REL: variants seen among roughly 807,000 people sequenced by gnomAD.
The protein encoded by REL is proto-oncogene c-Rel.
REL carries 15 observed loss-of-function variants against 45.9 expected under a neutral mutation model. That is an observed-to-expected ratio of 0.33 (90% CI 0.22 to 0.50). The LOEUF (loss-of-function observed/expected upper bound fraction) is 0.50. REL is among the 20% of genes least tolerant of loss of function. The probability of loss-of-function intolerance (pLI) is 0.98; values close to 1 mark genes in which losing one functional copy is unlikely to be tolerated. For synonymous variants in REL, 239 were observed against 242.1 expected (o/e 0.99, Z 0.12); for missense variants, 601 against 715.2 (o/e 0.84, Z 1.82).
chr2:60,929,675 G>C lies in REL; in HGVS notation c.*7140G>C, dbSNP rs1024933628. The C allele has an allele frequency of 1.7e-5, 2 of 117,188 alleles. No individual in the cohort carries two copies. Among genetic ancestry groups the C allele is most frequent in the East Asian group, 6.1e-4 (2 of 3,260 alleles). 7.3% of individuals were successfully genotyped at this position (117,188 alleles called of 1,614,324 possible). ...ATCACACTGGGGACTGTTGTGGGGT[G>C]GGGGGAGGGGGGAGGGATAGCATTG... On this transcript the variant is annotated 3_prime_UTR_variant, in exon 10 of 10. Transcript: ENST00000394479.
intron 4 of REL, among the ~76,000 whole-genome samples, chr2:60,901,323 A>C (rs1673492855): frequency 6.6e-6 from 1 of 151,248 alleles, no homozygotes; most frequent in African/African-American, 2.4e-5. Flanking sequence ...CATCACACCC[A>C]GCTAATTTTT....
chr2:60,898,137 T>C (rs749467412), intron 3 of REL, among the ~76,000 whole-genome samples: 30 of 152,346 alleles, frequency 2.0e-4, no homozygotes, highest in Admixed American at 5.2e-4. Flanking sequence ...AAACTGGGGC[T>C]GCTGGAATAA....
chr2:60,891,154 A>T lies in REL; in HGVS notation c.11-529A>T, dbSNP rs573919700. ...TAAGTCCTTTAATATTTGAATGGAGATATAAAAAACTTACATATGCTTCTG... is the reference window on the plus strand; with the variant it reads ...TAAGTCCTTTAATATTTGAATGGAGTTATAAAAAACTTACATATGCTTCTG... On this transcript the variant is annotated intron_variant, in intron 1 of 9. Transcript: ENST00000394479. Among the ~76,000 whole-genome samples the T allele has an allele frequency of 2.6e-5, 4 of 152,244 alleles. No individual in the cohort carries two copies. The South Asian group carries it at 8.3e-4, about 32-fold the overall frequency.
At chr2:60,898,623 G>A (rs1032217284) in intron 3 of REL, among the ~76,000 whole-genome samples, 4 of 152,198 alleles carry the variant, frequency 2.6e-5, no homozygotes, top group South Asian at 4.1e-4. Flanking sequence ...GACTTTTTCT[G>A]TAAAGTACTA....
intron 1 of REL, among the ~76,000 whole-genome samples, chr2:60,889,179 GTTCCC>G (rs923975535): frequency 6.6e-6 from 1 of 152,202 alleles, no homozygotes; most frequent in African/African-American, 2.4e-5. Context: ...TGGACACACT[GTTCCC>G]TTTTCCCTAG....
chr2:60,895,461 C>T (rs796424115), intron 3 of REL, among the ~76,000 whole-genome samples: 4 of 152,212 alleles, frequency 2.6e-5, no homozygotes, highest in East Asian at 1.9e-4. Context: ...GGATTACAGG[C>T]GTGAGCTGCT....
chr2:60,887,191 T>C (rs115022610), intron 1 of REL, among the ~76,000 whole-genome samples: 2,529 of 152,326 alleles, frequency 0.017, 31 homozygotes, highest in Middle Eastern at 0.065. Context: ...TGGTGCATTG[T>C]ACTGATGCAT....
At position 60,923,043 on chromosome 2, in the gene REL, CA is replaced by C. The variant is rs70959877; in HGVS notation, c.*521del. The C allele has an allele frequency of 6.8e-3, 573 of 84,834 alleles. No homozygotes were observed. The highest frequency in any genetic ancestry group is 0.028 in the Middle Eastern group (4 of 144). The allele number at this position is 84,834 out of a possible 1,614,324, so 5.3% of individuals were successfully genotyped here. A position where few individuals can be genotyped will look rare whatever the true frequency, so the allele number is the denominator to read the frequency against. ...TGGGTGACAGAGTGAGACTCTGTCT[CA>C]AAAAAAAAAAAACAAAAAAAACACA... On this transcript the variant is annotated 3_prime_UTR_variant, in exon 10 of 10. Transcript: ENST00000394479.
chr2:60,896,842 C>A (rs1242007172), intron 3 of REL, among the ~76,000 whole-genome samples: 1 of 152,132 alleles, frequency 6.6e-6, no homozygotes, highest in African/African-American at 2.4e-5. Flanking sequence ...TAATAATGCT[C>A]TTTATGGCTG....
intron 3 of REL, among the ~76,000 whole-genome samples, chr2:60,897,692 G>A (rs1454270300): frequency 6.6e-6 from 1 of 151,946 alleles, no homozygotes; most frequent in East Asian, 1.9e-4. Context: ...ATGGTAGTAA[G>A]TCTGATTGCC....
Position 60,924,692 on chromosome 2 carries a change from A to T in REL, c.*2157A>T, listed in dbSNP as rs976675001. 4.7e-6 allele frequency: 1 copy of T among 212,446 alleles called. No individual in the cohort carries two copies. Among genetic ancestry groups the T allele is most frequent in the Non-Finnish European group, 9.5e-6 (1 of 104,962 alleles). 13.2% of individuals were successfully genotyped at this position (212,446 alleles called of 1,614,324 possible). On this transcript the variant is annotated 3_prime_UTR_variant, in exon 10 of 10. Transcript: ENST00000394479. ...TCCATGTTTTGACATTGTCAAGCTC[A>T]TTGCAACTTCCAGATTGAGTAACAC...
Position 60,926,565 on chromosome 2 carries a change from C to T in REL, c.*4030C>T, listed in dbSNP as rs1246090934. On this transcript the variant is annotated 3_prime_UTR_variant, in exon 10 of 10. Transcript: ENST00000394479. ...TTTCCCATGAGTCTTGACCCCTCCC[C>T]TCAGTTGGTGCTATTTCCCCCTACC... The T allele has an allele frequency of 2.2e-5, 5 of 231,606 alleles. No homozygotes were observed. The highest frequency in any genetic ancestry group is 4.3e-5 in the Non-Finnish European group (5 of 116,990). 14.3% of individuals were successfully genotyped at this position (231,606 alleles called of 1,614,324 possible).
At chr2:60,882,476 A>G (rs1158059771) in intron 1 of REL, among the ~76,000 whole-genome samples, 1 of 152,056 alleles carries the variant, frequency 6.6e-6, no homozygotes, top group Non-Finnish European at 1.5e-5. Context: ...GGAGTTTGAG[A>G]CCAGCCTGGC....
intron 4 of REL, among the ~76,000 whole-genome samples, chr2:60,908,520 C>G (rs1673722967): frequency 6.6e-6 from 1 of 152,116 alleles, no homozygotes; most frequent in Non-Finnish European, 1.5e-5. Flanking sequence ...ATTAGGGACT[C>G]CAATATCAGA....
chr2:60,894,674 C>T (rs1673303588), intron 3 of REL, 129 bp downstream of exon 3: 4 of 643,074 alleles, frequency 6.2e-6, no homozygotes, highest in African/African-American at 1.9e-5. Context: ...CTGTATTTTA[C>T]ACTTACATTT....
intron 1 of REL, among the ~76,000 whole-genome samples, chr2:60,882,895 T>TG (rs1449087690): frequency 1.3e-5 from 2 of 151,980 alleles, no homozygotes; most frequent in African/African-American, 4.8e-5. Flanking sequence ...TCTCTCCCTT[T>TG]GGGGGGGAAT....
In REL at chr2:60,922,398, A is replaced by T. The variant is rs1360378685; in HGVS notation, c.1627A>T (p.Ile543Leu). 1 of 1,614,154 alleles carries T rather than the reference A, an allele frequency of 6.2e-7. No individual in the cohort carries two copies. The change falls in exon 10 of 10, where the codon ATA (isoleucine) becomes TTA (leucine). Residue 543 changes from isoleucine to leucine, a missense_variant. This residue lies in a region of REL where 334 missense variants were observed against 333.1 expected (regional missense o/e 1.00). Transcript: ENST00000394479. ...SDFSCADNSM[I>L]NESGPSNSTN... ...CTTCAGTTGTGCAGATAACAGCATG[A>T]TAAATGAGTCGGGACCATCAAACAG...
rs906639932 is a variant in REL at position 60,930,793 on chromosome 2, A to G, written c.*8258A>G. ...AAGATGTAGAATTTATTATCCTCTAATATTCTTATCAGTTGTTTCCACAAC... is the reference window on the plus strand; with the variant it reads ...AAGATGTAGAATTTATTATCCTCTAGTATTCTTATCAGTTGTTTCCACAAC... On this transcript the variant is annotated 3_prime_UTR_variant, in exon 10 of 10. Coordinates refer to ENST00000394479, the MANE Select transcript of REL (RefSeq NM_001291746.2). 1 of 152,326 alleles carries G rather than the reference A, an allele frequency of 6.6e-6. No individual in the cohort carries two copies. The highest frequency in any genetic ancestry group is 2.4e-5 in the African/African-American group (1 of 41,460). 9.4% of individuals were successfully genotyped at this position (152,326 alleles called of 1,614,324 possible).
chr2:60,891,899 G>T, intron 2 of REL, 74 bp downstream of exon 2: 1 of 1,341,324 alleles, frequency 7.5e-7, no homozygotes, highest in Admixed American at 2.7e-5. Flanking sequence ...TATTTTAAAG[G>T]GCCAGTTTCT....
Sources: allele counts gnomAD v4.1 joint callset (sites outside exome capture counted in the v4.1 genomes callset), GRCh38; gene constraint gnomAD v4.1.1; regional missense constraint gnomAD v4.1.1; transcripts MANE v1.5; gene names NCBI Gene and HGNC (gene_info 2026-07-23, HGNC 2026-07-21).